Variants in ARHGEF33 observed in about 807,000 individuals in gnomAD.
ARHGEF33 encodes the protein Rho guanine nucleotide exchange factor 33.
A neutral mutation model predicts 101.9 loss-of-function variants in ARHGEF33; 72 were observed. That is an observed-to-expected ratio of 0.71 (90% CI 0.58 to 0.86). The LOEUF is 0.86. ARHGEF33 is among the 40% of genes least tolerant of loss of function. ARHGEF33 has a pLI of 0.00. For missense variants in ARHGEF33, 1,169 were observed against 1,111.3 expected (o/e 1.05, Z -0.74); for synonymous variants, 499 against 442.5 (o/e 1.13, Z -1.60).
chr2:38,905,326 G>T (rs566572881), intron 2 of ARHGEF33, among the ~76,000 whole-genome samples: 1 of 152,288 alleles, frequency 6.6e-6, no homozygotes, highest in African/African-American at 2.4e-5. Context: ...GTGATGATTT[G>T]TTTGGATTAA....
Position 38,959,913 on chromosome 2 carries a change from C to T in ARHGEF33, c.1608C>T (p.Pro536=). The T allele has an allele frequency of 1.3e-6, 2 of 1,551,912 alleles. No homozygotes were observed. Among genetic ancestry groups the T allele is most frequent in the Non-Finnish European group, 1.7e-6 (2 of 1,146,974 alleles). The part of the protein sequence containing the change: ...SLMESMQPGK[P]SDWELEGRKH... ...TGGAGAGCATGCAGCCCGGGAAGCCCAGTGACTGGGAGCTGGAGGGCAGGA... is the reference window on the plus strand; with the variant it reads ...TGGAGAGCATGCAGCCCGGGAAGCCTAGTGACTGGGAGCTGGAGGGCAGGA... Residue 536 remains proline, a synonymous_variant, in exon 16 of 18, where the codon CCC becomes CCT. Coordinates refer to ENST00000409978, the MANE Select transcript of ARHGEF33 (RefSeq NM_001145451.5).
intron 9 of ARHGEF33, 58 bp from the exon 10 acceptor site, chr2:38,943,831 ATTGCTTGCATTT>A (rs1667373307): frequency 7.0e-7 from 1 of 1,434,946 alleles, no homozygotes; most frequent in African/African-American, 1.5e-5. Flanking sequence ...TATCACTTTT[ATTGCTTGCATTT>A]AATGGGATTT....
intron 7 of ARHGEF33, among the ~76,000 whole-genome samples, chr2:38,932,296 T>G (rs1338853972): frequency 6.6e-6 from 1 of 152,150 alleles, no homozygotes; most frequent in Non-Finnish European, 1.5e-5. Flanking sequence ...GGCTAATTTT[T>G]TGTATTTTTA....
intron 17 of ARHGEF33, among the ~76,000 whole-genome samples, chr2:38,968,767 C>CT (rs758319328): frequency 5.3e-5 from 8 of 151,920 alleles, no homozygotes; most frequent in Non-Finnish European, 1.2e-4. Context: ...AGAAGACTGT[C>CT]TGTCTGGCAG....
chr2:38,924,460 T>C (rs1193356170), intron 4 of ARHGEF33, among the ~76,000 whole-genome samples: 2 of 152,140 alleles, frequency 1.3e-5, no homozygotes, highest in Non-Finnish European at 2.9e-5. Flanking sequence ...CCCATTAACA[T>C]GAGAGGGGAT....
intron 2 of ARHGEF33, among the ~76,000 whole-genome samples, chr2:38,906,264 T>C (rs1666388145): frequency 6.6e-6 from 1 of 151,818 alleles, no homozygotes; most frequent in African/African-American, 2.4e-5. Flanking sequence ...AGGAGAAGTA[T>C]GTAATTCAGT....
intron 4 of ARHGEF33, among the ~76,000 whole-genome samples, chr2:38,928,451 A>C (rs1246600626): frequency 6.6e-6 from 1 of 152,018 alleles, no homozygotes; most frequent in Non-Finnish European, 1.5e-5. Flanking sequence ...CTTAGTTGTT[A>C]CTCTATTTAT....
intron 2 of ARHGEF33, among the ~76,000 whole-genome samples, chr2:38,903,824 A>G (rs1455574264): frequency 6.6e-6 from 1 of 152,126 alleles, no homozygotes; most frequent in Non-Finnish European, 1.5e-5. Context: ...TAATCTCTAC[A>G]TCCATGATTT....
At chr2:38,958,242 G>C in intron 15 of ARHGEF33, 44 bp downstream of exon 15, 2 of 1,547,964 alleles carry the variant, frequency 1.3e-6, no homozygotes, top group Non-Finnish European at 1.7e-6. Flanking sequence ...AATGCCTTTG[G>C]GACCCAGCCA....
intron 6 of ARHGEF33, among the ~76,000 whole-genome samples, chr2:38,930,686 T>G (rs1418061404): frequency 6.6e-6 from 1 of 152,116 alleles, no homozygotes; most frequent in African/African-American, 2.4e-5. Context: ...AAAATAGAAA[T>G]GTAGGAATAA....
At chr2:38,909,867 CATTG>C (rs991786630) in intron 2 of ARHGEF33, among the ~76,000 whole-genome samples, 2 of 151,882 alleles carry the variant, frequency 1.3e-5, no homozygotes, top group African/African-American at 2.4e-5. Flanking sequence ...TCTTGCGTTA[CATTG>C]ATTAATTAAT....
chr2:38,913,210 A>G (rs1041193858), intron 2 of ARHGEF33, among the ~76,000 whole-genome samples: 9 of 152,268 alleles, frequency 5.9e-5, no homozygotes, highest in Middle Eastern at 6.8e-3. Flanking sequence ...GAACTTAAGG[A>G]AATACGTAGT....
chr2:38,958,010 G>C (rs1165329949), intron 14 of ARHGEF33, 24 bp from the exon 15 acceptor site: 2 of 1,551,994 alleles, frequency 1.3e-6, no homozygotes, highest in Admixed American at 3.9e-5. Flanking sequence ...TACAACCTGA[G>C]AACTGTTATT....
chr2:38,891,380 T>A (rs1458358401), intron 1 of ARHGEF33, among the ~76,000 whole-genome samples: 1 of 152,122 alleles, frequency 6.6e-6, no homozygotes, highest in East Asian at 1.9e-4. Context: ...CCTCTCTCCT[T>A]TCCTCCCTTC....
chr2:38,926,553 T>C (rs1247394577), intron 4 of ARHGEF33, among the ~76,000 whole-genome samples: 2 of 152,152 alleles, frequency 1.3e-5, no homozygotes, highest in Admixed American at 6.5e-5. Context: ...AACGCTTCAG[T>C]GGCAGGCACC....
chr2:38,956,167 C>T (rs1215175451), intron 13 of ARHGEF33, among the ~76,000 whole-genome samples: 5 of 152,086 alleles, frequency 3.3e-5, no homozygotes, highest in African/African-American at 1.2e-4. Context: ...AGGACTGAAA[C>T]CCAGGTTTTG....
chr2:38,950,348 C>T (rs1667567355), intron 10 of ARHGEF33, among the ~76,000 whole-genome samples: 1 of 152,212 alleles, frequency 6.6e-6, no homozygotes, highest in African/African-American at 2.4e-5. Context: ...AGGAATAGCT[C>T]TAAAACATTG....
At chr2:38,937,622 C>G in intron 9 of ARHGEF33, 63 bp downstream of exon 9, 3 of 993,716 alleles carry the variant, frequency 3.0e-6, no homozygotes, top group Non-Finnish European at 4.5e-6. Context: ...GAGCTTTGAA[C>G]TCAAAGGCGA....
chr2:38,917,109 T>TTTTTTTTTTTTTTTA (rs1553341360), intron 2 of ARHGEF33, among the ~76,000 whole-genome samples: 5 of 149,222 alleles, frequency 3.4e-5, no homozygotes, highest in South Asian at 2.2e-4. Context: ...CTTCTTTTTT[T>TTTTTTTTTTTTTTTA]GAGACGGAGT....
Sources: allele counts gnomAD v4.1 joint callset (sites outside exome capture counted in the v4.1 genomes callset), GRCh38; gene constraint gnomAD v4.1.1; transcripts MANE v1.5; gene names NCBI Gene and HGNC (gene_info 2026-07-23, HGNC 2026-07-21).